The following ANKS1B variants were observed in gnomAD, a reference collection of about 807,000 sequenced individuals.
The protein encoded by ANKS1B is ankyrin repeat and sterile alpha motif domain-containing protein 1B.
In ANKS1B, 36 loss-of-function variants were observed where a neutral mutation model predicts 148.3. The observed-to-expected ratio is 0.24, with a 90% CI of 0.19 to 0.32. The LOEUF (loss-of-function observed/expected upper bound fraction) is 0.32, where lower values mean the gene tolerates loss of function less well. Ranked by LOEUF, ANKS1B falls within the 10% of genes least tolerant of loss-of-function variation. ANKS1B has a pLI of 1.00. For synonymous variants in ANKS1B, 542 were observed against 560.8 expected (o/e 0.97, Z 0.47); for missense variants, 1,157 against 1,542.6 (o/e 0.75, Z 4.19).
intron 12 of ANKS1B, among the ~76,000 whole-genome samples, chr12:99,317,713 T>G (rs987475937): frequency 1.3e-5 from 2 of 152,088 alleles, no homozygotes; most frequent in Non-Finnish European, 2.9e-5. Context: ...TGAATAGGAG[T>G]GGTGAGAGAG....
chr12:99,433,478 C>T (rs531481052), intron 11 of ANKS1B, among the ~76,000 whole-genome samples: 2 of 152,022 alleles, frequency 1.3e-5, no homozygotes, highest in Admixed American at 1.3e-4. Context: ...GGTTTTGAAG[C>T]CTGCTAAGAG....
chr12:98,994,383 A>T (rs1389649715), intron 17 of ANKS1B, among the ~76,000 whole-genome samples: 5 of 152,270 alleles, frequency 3.3e-5, no homozygotes, highest in Non-Finnish European at 7.4e-5. Context: ...TGGGAGGCTG[A>T]GGCAGGTGGA....
intron 14 of ANKS1B, among the ~76,000 whole-genome samples, chr12:99,222,314 T>A (rs1007209908): frequency 1.3e-5 from 2 of 152,178 alleles, no homozygotes; most frequent in African/African-American, 4.8e-5. Context: ...TTATACTTTC[T>A]TACATTAAAA....
intron 15 of ANKS1B, among the ~76,000 whole-genome samples, chr12:99,137,941 G>T (rs1339941789): frequency 2.0e-5 from 3 of 152,016 alleles, no homozygotes; most frequent in African/African-American, 7.2e-5. Flanking sequence ...TGTGAGAGGA[G>T]GGACAGAGTA....
rs1422471254 is a variant in ANKS1B, at chr12:99,084,961, T to C, written c.2589A>G (p.Arg863=). The change falls in exon 16 of 27, where the codon AGA becomes AGG. Residue 863 remains arginine, a synonymous_variant. Transcript: ENST00000683438. ...LEIGILNSGH[R]QRILQAIQLL... The stretch of plus-strand genomic sequence containing the variant: ...GCTGGATTGCCTGTAGAATTCTTTG[T>C]CTGTGCCCAGAATTAAGGATTCCAA... The C allele has an allele frequency of 3.1e-6, 5 of 1,611,004 alleles. No homozygotes were observed. Among genetic ancestry groups the C allele is most frequent in the African/African-American group, 2.7e-5 (2 of 74,912 alleles).
intron 14 of ANKS1B, among the ~76,000 whole-genome samples, chr12:99,208,432 C>T (rs1294709612): frequency 6.6e-6 from 1 of 152,032 alleles, no homozygotes. Flanking sequence ...TTTGGGAAAA[C>T]CTCAAAGGAC....
chr12:98,858,222 G>A (rs2099581480), intron 17 of ANKS1B, among the ~76,000 whole-genome samples: 1 of 152,186 alleles, frequency 6.6e-6, no homozygotes, highest in African/African-American at 2.4e-5. Context: ...GACAGCTCTA[G>A]ATTATAGTCC....
chr12:99,358,743 C>T (rs1593030247), intron 12 of ANKS1B, among the ~76,000 whole-genome samples: 1 of 151,880 alleles, frequency 6.6e-6, no homozygotes, highest in Non-Finnish European at 1.5e-5. Context: ...ATCATCCAAA[C>T]AACAAATATT....
At chr12:99,787,937 G>T (rs918467140) in intron 4 of ANKS1B, among the ~76,000 whole-genome samples, 1 of 152,190 alleles carries the variant, frequency 6.6e-6, no homozygotes, top group East Asian at 1.9e-4. Context: ...ATTTGCACCA[G>T]CCCAGCCAGA....
chr12:99,889,790 T>G (rs894675876), intron 1 of ANKS1B, among the ~76,000 whole-genome samples: 2 of 152,198 alleles, frequency 1.3e-5, no homozygotes, highest in Non-Finnish European at 2.9e-5. Flanking sequence ...TTTTAAAATA[T>G]TTTAGTAGCT....
chr12:99,893,577 A>G (rs573557206), intron 1 of ANKS1B, among the ~76,000 whole-genome samples: 2 of 152,328 alleles, frequency 1.3e-5, no homozygotes, highest in South Asian at 4.1e-4. Context: ...TATTAAAAAA[A>G]GAAACTATGC....
At chr12:99,497,249 C>G (rs1450919781) in intron 10 of ANKS1B, among the ~76,000 whole-genome samples, 1 of 152,152 alleles carries the variant, frequency 6.6e-6, no homozygotes, top group Non-Finnish European at 1.5e-5. Flanking sequence ...ACAGTATTTT[C>G]TTTAGACAAT....
intron 19 of ANKS1B, among the ~76,000 whole-genome samples, chr12:98,811,935 C>T (rs936208): frequency 0.29 from 43,717 of 151,840 alleles, 6,529 homozygotes; most frequent in Middle Eastern, 0.34. Context: ...GAGGATCCTA[C>T]GCCATACTTA....
chr12:98,735,855 G>A (rs1019944551), intron 9 of ANKS1B, among the ~76,000 whole-genome samples: 3 of 152,144 alleles, frequency 2.0e-5, no homozygotes, highest in African/African-American at 7.2e-5. Context: ...CAAGCGGAGG[G>A]GAAGGGGTTA....
At chr12:99,654,560 T>A (rs2098440851) in intron 9 of ANKS1B, among the ~76,000 whole-genome samples, 1 of 152,172 alleles carries the variant, frequency 6.6e-6, no homozygotes, top group African/African-American at 2.4e-5. Context: ...TTAATGATAG[T>A]GAAATGACTT....
intron 12 of ANKS1B, among the ~76,000 whole-genome samples, chr12:99,273,463 C>A (rs903538003): frequency 1.3e-5 from 2 of 151,778 alleles, no homozygotes; most frequent in Non-Finnish European, 2.9e-5. Flanking sequence ...TTGTATGACT[C>A]TCTACAATCC....
intron 11 of ANKS1B, among the ~76,000 whole-genome samples, chr12:99,439,092 T>C (rs753633790): frequency 1.1e-4 from 16 of 151,800 alleles, no homozygotes; most frequent in Non-Finnish European, 2.2e-4. Context: ...TAATACTAAA[T>C]TATTAACTCA....
chr12:99,424,535 G>GA (rs1293290572), intron 11 of ANKS1B, among the ~76,000 whole-genome samples: 1 of 151,126 alleles, frequency 6.6e-6, no homozygotes, highest in African/African-American at 2.4e-5. Context: ...AGACAGGTTT[G>GA]AAAAAAATAG....
At chr12:99,648,922 T>C in intron 9 of ANKS1B, 2 of 1,264,070 alleles carry the variant, frequency 1.6e-6, no homozygotes, top group Non-Finnish European at 2.1e-6. Context: ...CCAAATGAGC[T>C]TCCATTTGGA....
Sources: allele counts gnomAD v4.1 joint callset (sites outside exome capture counted in the v4.1 genomes callset), GRCh38; gene constraint gnomAD v4.1.1; transcripts MANE v1.5; gene names NCBI Gene and HGNC (gene_info 2026-07-23, HGNC 2026-07-21).